Variants in CRACR2B observed in about 807,000 individuals in gnomAD.
CRACR2B encodes the protein calcium release activated channel regulator 2B, also known as EF-hand calcium-binding domain-containing protein 4A.
Under a neutral mutation model 46.0 loss-of-function variants are expected in CRACR2B, and 50 were observed. That is an observed-to-expected ratio of 1.09 (90% CI 0.87 to 1.38). The LOEUF (loss-of-function observed/expected upper bound fraction) is 1.38. CRACR2B is among the 40% of genes most tolerant of loss of function. The pLI is 0.00. For missense variants in CRACR2B, 667 were observed against 535.0 expected (o/e 1.25, Z -2.43); for synonymous variants, 277 against 239.6 (o/e 1.16, Z -1.44).
Position 831,213 on chromosome 11 carries a change from C to T in CRACR2B, c.954-11C>T. On this transcript the variant is annotated splice_polypyrimidine_tract_variant and intron_variant, in intron 7 of 8. Transcript: ENST00000525077. ...CCTTCCTGCAGCCGGGTCACCACCT[C>T]CCATCCACAGAGACGTGGTCGCCGT... 1 of 1,610,266 alleles carries T rather than the reference C, an allele frequency of 6.2e-7. No individual in the cohort carries two copies. The highest frequency in any genetic ancestry group is 8.5e-7 in the Non-Finnish European group (1 of 1,179,248).
At chr11:830,473 C>A (rs983557955) in intron 5 of CRACR2B, 136 bp downstream of exon 5, 2 of 1,536,612 alleles carry the variant, frequency 1.3e-6, no homozygotes. Context: ...CCGAGGAGAT[C>A]CCACTGGGCC....
chr11:830,420 C>T (rs1465592949), intron 5 of CRACR2B, 83 bp downstream of exon 5: 4 of 1,536,180 alleles, frequency 2.6e-6, no homozygotes, highest in Non-Finnish European at 2.6e-6. Flanking sequence ...GAATTAATCC[C>T]TCCCCGACGG....
At chr11:829,951 GC>G in intron 3 of CRACR2B, 34 bp from the exon 4 acceptor site, 1 of 1,543,222 alleles carries the variant, frequency 6.5e-7, no homozygotes, top group Non-Finnish European at 8.7e-7. Flanking sequence ...TCCCGCTTCT[GC>G]CAGCTCCAGC....
chr11:831,667 G>T lies in CRACR2B; in HGVS notation c.1158G>T (p.Arg386=). Residue 386 remains arginine (R), a synonymous_variant, in exon 9 of 9, where the codon CGG becomes CGT. Coordinates refer to ENST00000525077, the MANE Select transcript of CRACR2B (RefSeq NM_001286606.2). ...GCTGCTGCTGCTGTTGCTGGGCTCG[G>T]CCCCCCAGACGCGGCTCTGGCCACC... ...PTCCCCCCWA[R]PPRRGSGHLP... 1 of 1,535,636 alleles carries T rather than the reference G, an allele frequency of 6.5e-7. No homozygotes were observed. Among genetic ancestry groups the T allele is most frequent in the Non-Finnish European group, 8.7e-7 (1 of 1,147,374 alleles).
Position 830,148 on chromosome 11 carries a change from G to C in CRACR2B, c.605+16G>C. ...CGCTGCGGAGGTGAGGGCCGGGGTG[G>C]GGTATGGGGGCCAATGGAGGGCCTC... On this transcript the variant is annotated intron_variant, in intron 4 of 8. Transcript: ENST00000525077. 6.6e-7 allele frequency: 1 copy of C among 1,523,224 alleles called. No individual in the cohort carries two copies. Among genetic ancestry groups the C allele is most frequent in the Admixed American group, 2.1e-5 (1 of 48,730 alleles). The allele number at this position is 1,523,224 out of a possible 1,614,324, so 94.4% of individuals were successfully genotyped here.
Position 829,514 on chromosome 11 carries a change from G to A in CRACR2B, c.432G>A (p.Gln144=). Residue 144 remains glutamine (Q), a synonymous_variant, in exon 3 of 9, where the codon CAG becomes CAA. Coordinates refer to ENST00000525077, the MANE Select transcript of CRACR2B (RefSeq NM_001286606.2). The part of the protein sequence containing the change: ...EEERFHTVLE[Q]LGVAPVLGKQ... ...AGCGATTCCACACTGTGCTGGAGCAGCTGGGGGTGGCCCCGGTCCTGGGCA... is the reference window on the plus strand; with the variant it reads ...AGCGATTCCACACTGTGCTGGAGCAACTGGGGGTGGCCCCGGTCCTGGGCA... 6.3e-7 allele frequency: 1 copy of A among 1,598,624 alleles called. No homozygotes were observed. The highest frequency in any genetic ancestry group is 1.1e-5 in the South Asian group (1 of 88,778).
At chr11:831,154 G>A (rs755434931) in intron 7 of CRACR2B, 70 bp from the exon 8 acceptor site, 2 of 1,606,206 alleles carry the variant, frequency 1.2e-6, no homozygotes, top group Non-Finnish European at 1.7e-6. Context: ...TGGGAAGGAG[G>A]ATCTTCTAGG....
upstream of CRACR2B, among the ~76,000 whole-genome samples, chr11:827,004 G>GC (rs1043196509): frequency 7.2e-5 from 11 of 152,070 alleles, no homozygotes; most frequent in African/African-American, 2.6e-4. Context: ...GTCTGCGCCC[G>GC]CCCCCCGCAG....
At chr11:829,743 T>A in intron 3 of CRACR2B, 1 of 1,005,762 alleles carries the variant, frequency 9.9e-7, no homozygotes, top group Non-Finnish European at 1.4e-6. Context: ...CAGCCAGGGC[T>A]GCAGGGAGGA....
Position 828,542 on chromosome 11 carries a change from T to A in CRACR2B, c.-66T>A. The A allele has an allele frequency of 1.3e-6, 2 of 1,498,154 alleles. No homozygotes were observed. Among genetic ancestry groups the A allele is most frequent in the South Asian group, 2.6e-5 (2 of 76,036 alleles). The allele number at this position is 1,498,154 out of a possible 1,614,324, so 92.8% of individuals were successfully genotyped here. A position where few individuals can be genotyped will look rare whatever the true frequency, so the allele number is the denominator to read the frequency against. ...ACTTGCACCCCATCCGCTCCCCTCC[T>A]GAATTTCTTCTGACCCTCCCTTGGC... is the stretch of plus-strand genomic sequence containing the variant. On this transcript the variant is annotated 5_prime_UTR_variant, in exon 1 of 9. Transcript: ENST00000525077.
upstream of CRACR2B, chr11:827,436 C>T (rs565085422): frequency 1.7e-6 from 1 of 595,054 alleles, no homozygotes; most frequent in African/African-American, 2.0e-5. Context: ...TCCGGTTACC[C>T]CCTCGGGGCG....
At position 829,265 on chromosome 11, in the gene CRACR2B, C is replaced by G. The variant is rs998536428; in HGVS notation, c.278-95C>G. 26 of 1,496,520 alleles carry G rather than the reference C, an allele frequency of 1.7e-5. No homozygotes were observed. In the South Asian group the frequency reaches 3.1e-4, roughly 18 times the overall value. The allele number at this position is 1,496,520 out of a possible 1,614,324, so 92.7% of individuals were successfully genotyped here. On this transcript the variant is annotated intron_variant, in intron 2 of 8. Transcript: ENST00000525077. ...AGGAAGGAAAACAGGAAACTGGGCC[C>G]TGAGAGAGGGCAGGATACTCGTTGG...
At chr11:826,560 C>T (rs548451287), upstream of CRACR2B, among the ~76,000 whole-genome samples, 42 of 152,354 alleles carry the variant, frequency 2.8e-4, 1 homozygote, top group South Asian at 6.2e-3. Context: ...GATGGAGTTT[C>T]GTTCTTGTTG....
In CRACR2B at chr11:831,548, C is replaced by A; in HGVS notation, c.1039C>A (p.Arg347=). ...QLELLRELNT[R]LRDDRDACEA... The stretch of plus-strand genomic sequence containing the variant: ...CTCCTTCCCTAGGGAGCTGAATACA[C>A]GGCTGCGGGATGACAGGGACGCCTG... Residue 347 remains arginine (R), a synonymous_variant, in exon 9 of 9, where the codon CGG becomes AGG. Coordinates refer to ENST00000525077, the MANE Select transcript of CRACR2B (RefSeq NM_001286606.2). 6.3e-7 allele frequency: 1 copy of A among 1,597,136 alleles called. No individual in the cohort carries two copies. Among genetic ancestry groups the A allele is most frequent in the Non-Finnish European group, 8.5e-7 (1 of 1,173,602 alleles).
chr11:830,467 G>T, intron 5 of CRACR2B, 130 bp downstream of exon 5: 1 of 1,536,508 alleles, frequency 6.5e-7, no homozygotes. Context: ...CTCAGCCCGA[G>T]GAGATCCCAC....
At position 828,502 on chromosome 11, in the gene CRACR2B, T is replaced by C. The variant is rs566683578; in HGVS notation, c.-106T>C. ...ACCTGCTGCAGGGAGGGCCCTCGGC[T>C]GAGCCTTCAGACACACTTGCACCCC... On this transcript the variant is annotated 5_prime_UTR_variant, in exon 1 of 9. Coordinates refer to ENST00000525077, the MANE Select transcript of CRACR2B (RefSeq NM_001286606.2). 1 of 1,360,270 alleles carries C rather than the reference T, an allele frequency of 7.4e-7. No homozygotes were observed. Among genetic ancestry groups the C allele is most frequent in the South Asian group, 1.5e-5 (1 of 64,650 alleles). 84.3% of individuals were successfully genotyped at this position (1,360,270 alleles called of 1,614,324 possible).
chr11:830,274 G>T lies in CRACR2B; in HGVS notation c.630G>T (p.Glu210Asp). Reference sequence around the variant, plus strand: ...GGCGCGAGAGCGAGCACGAGAGGGAGGTGCGCGCTCTGTACGAGGAGACGG... The same window carrying T: ...GGCGCGAGAGCGAGCACGAGAGGGATGTGCGCGCTCTGTACGAGGAGACGG... ...LRRRESEHER[E>D]VRALYEETEQ... The change falls in exon 5 of 9, where the codon GAG (glutamate) becomes GAT (aspartate). Residue 210 changes from glutamate (E) to aspartate (D), a missense_variant. Physicochemically the swap from Glu to Asp is conservative, Grantham distance 45. Transcript: ENST00000525077. The T allele has an allele frequency of 6.6e-7, 1 of 1,523,692 alleles. No individual in the cohort carries two copies. 94.4% of individuals were successfully genotyped at this position (1,523,692 alleles called of 1,614,324 possible). A position where few individuals can be genotyped will look rare whatever the true frequency, so the allele number is the denominator to read the frequency against.
intron 3 of CRACR2B, 146 bp downstream of exon 3, chr11:829,686 G>A (rs529095024): frequency 7.3e-5 from 79 of 1,074,898 alleles, no homozygotes; most frequent in Non-Finnish European, 9.8e-5. Flanking sequence ...GATTCCCTGG[G>A]AGGGACCCGG....
intron 3 of CRACR2B, 182 bp from the exon 4 acceptor site, chr11:829,804 C>A: frequency 8.0e-7 from 1 of 1,246,552 alleles, no homozygotes; most frequent in Non-Finnish European, 1.1e-6. Context: ...AGGGTACACA[C>A]ACCTCACCGA....
Sources: allele counts gnomAD v4.1 joint callset (sites outside exome capture counted in the v4.1 genomes callset), GRCh38; gene constraint gnomAD v4.1.1; transcripts MANE v1.5; gene names NCBI Gene and HGNC (gene_info 2026-07-23, HGNC 2026-07-21).